RTL4: variants seen among roughly 807,000 people sequenced by gnomAD.
The protein encoded by RTL4 is retrotransposon Gag like 4.
A neutral mutation model predicts 5.3 loss-of-function variants in RTL4; 4 were observed. The ratio of observed to expected loss-of-function variants is 0.75; its 90% CI spans 0.37 to 1.72. The LOEUF (loss-of-function observed/expected upper bound fraction) is 1.72. Ranked by LOEUF, RTL4 falls within the 40% of genes most tolerant of loss-of-function variation. The pLI is 0.04. For missense variants in RTL4, 260 were observed against 227.1 expected (o/e 1.14, Z -0.93); for synonymous variants, 98 against 87.3 (o/e 1.12, Z -0.68).
chrX:112,217,402 A>G, the RTL4 span, among the ~76,000 whole-genome samples: 2 of 111,886 alleles, frequency 1.8e-5, no homozygotes, highest in African/African-American at 6.5e-5. Flanking sequence ...AGCACTAGCA[A>G]CTTCTTTTCT....
chrX:112,257,873 GTATA>G, the RTL4 span, among the ~76,000 whole-genome samples: 2 of 102,559 alleles, frequency 2.0e-5, no homozygotes, highest in African/African-American at 7.3e-5. Flanking sequence ...TCAAAACTGT[GTATA>G]TATATATATG....
upstream of RTL4, among the ~76,000 whole-genome samples, chrX:112,452,314 G>T (rs1223798521): frequency 1.0e-5 from 1 of 95,548 alleles, no homozygotes; most frequent in East Asian, 3.3e-4. Flanking sequence ...TGTTAGCCAA[G>T]ATGGTCTTGA....
the RTL4 span, among the ~76,000 whole-genome samples, chrX:112,332,584 A>G: frequency 9.3e-6 from 1 of 107,768 alleles, no homozygotes; most frequent in African/African-American, 3.4e-5. Context: ...CGCAAGGACA[A>G]AAAACCAAAC....
chrX:112,345,050 T>G, the RTL4 span, among the ~76,000 whole-genome samples: 35 of 111,586 alleles, frequency 3.1e-4, no homozygotes, highest in African/African-American at 1.1e-3. Context: ...GCCCTGCCCT[T>G]GAGACATAGG....
the RTL4 span, among the ~76,000 whole-genome samples, chrX:112,264,247 A>G: frequency 8.9e-6 from 1 of 112,301 alleles, no homozygotes; most frequent in Non-Finnish European, 1.9e-5. Flanking sequence ...TAGTGTGTAG[A>G]GGGATGGGAC....
the RTL4 span, among the ~76,000 whole-genome samples, chrX:112,224,342 A>G: frequency 9.4e-6 from 1 of 106,021 alleles, no homozygotes. Flanking sequence ...TTATTTATTT[A>G]TTTATTTATT....
chrX:112,370,520 C>T, the RTL4 span, among the ~76,000 whole-genome samples: 1 of 111,583 alleles, frequency 9.0e-6, no homozygotes, highest in Non-Finnish European at 1.9e-5. Flanking sequence ...ACATTTTTAT[C>T]TGCATAATTC....
chrX:112,194,971 A>G, the RTL4 span, among the ~76,000 whole-genome samples: 32,755 of 111,231 alleles, frequency 0.29, 4,455 homozygotes, highest in African/African-American at 0.53. Flanking sequence ...AGCATGCCAA[A>G]CACTGTTAAT....
chrX:112,094,755 G>A, the RTL4 span, among the ~76,000 whole-genome samples: 2 of 111,740 alleles, frequency 1.8e-5, no homozygotes, highest in Non-Finnish European at 3.8e-5. Context: ...GTAATCGACA[G>A]TATTTGATGC....
At chrX:112,100,445 T>C in the RTL4 span, among the ~76,000 whole-genome samples, 3 of 112,191 alleles carry the variant, frequency 2.7e-5, no homozygotes, top group African/African-American at 9.7e-5. Context: ...GTCATGAATG[T>C]ATATACGTGG....
At chrX:112,399,247 C>G in the RTL4 span, among the ~76,000 whole-genome samples, 1 of 111,531 alleles carries the variant, frequency 9.0e-6, no homozygotes, top group Admixed American at 9.5e-5. Context: ...AAAGGTTTAC[C>G]TATTTTATTG....
chrX:112,438,845 C>T, the RTL4 span, among the ~76,000 whole-genome samples: 1 of 112,178 alleles, frequency 8.9e-6, no homozygotes, highest in African/African-American at 3.2e-5. Context: ...AGGAGCCATT[C>T]AACTAAGCTG....
chrX:112,123,213 T>C, the RTL4 span, among the ~76,000 whole-genome samples: 1 of 112,244 alleles, frequency 8.9e-6, no homozygotes, highest in Non-Finnish European at 1.9e-5. Flanking sequence ...TGTAGCCTCT[T>C]AGCAGTTACC....
At chrX:112,398,472 T>C in the RTL4 span, among the ~76,000 whole-genome samples, 4 of 97,714 alleles carry the variant, frequency 4.1e-5, no homozygotes, top group Non-Finnish European at 8.0e-5. Context: ...TGATCTCAGC[T>C]CACTGCAAGC....
chrX:112,129,118 A>G, the RTL4 span, among the ~76,000 whole-genome samples: 1 of 112,193 alleles, frequency 8.9e-6, no homozygotes, highest in African/African-American at 3.2e-5. Context: ...AGGGAACTAC[A>G]CATCAATACC....
the RTL4 span, among the ~76,000 whole-genome samples, chrX:112,232,962 A>G: frequency 9.0e-6 from 1 of 111,417 alleles, no homozygotes; most frequent in Non-Finnish European, 1.9e-5. Context: ...TACAGCTACC[A>G]TCACTGTTCA....
At chrX:112,149,817 G>A in the RTL4 span, among the ~76,000 whole-genome samples, 1 of 111,619 alleles carries the variant, frequency 9.0e-6, no homozygotes, top group Non-Finnish European at 1.9e-5. Context: ...TACATTTCAG[G>A]TGGTGAGACA....
At chrX:112,380,622 A>G in the RTL4 span, among the ~76,000 whole-genome samples, 2 of 112,245 alleles carry the variant, frequency 1.8e-5, no homozygotes, top group African/African-American at 6.5e-5. Context: ...CGCCCACCCG[A>G]CCATAGAGAC....
chrX:112,122,684 TA>T, the RTL4 span, among the ~76,000 whole-genome samples: 1 of 109,902 alleles, frequency 9.1e-6, no homozygotes, highest in Non-Finnish European at 1.9e-5. Flanking sequence ...GCCAGAAGAG[TA>T]AGACAAGGTA....
Sources: gnomAD v4.1 joint callset for allele counts (sites outside exome capture counted in the v4.1 genomes callset) on GRCh38, gnomAD v4.1.1 for gene constraint, MANE v1.5 for transcripts, NCBI Gene and HGNC (gene_info 2026-07-23, HGNC 2026-07-21) for gene names.